Variants in KHK observed in about 807,000 individuals in gnomAD.
The protein encoded by KHK is fructokinase.
In KHK, 37 loss-of-function variants were observed where a neutral mutation model predicts 36.0. The observed-to-expected ratio is 1.03, with a 90% CI of 0.79 to 1.35. KHK has a LOEUF of 1.35. KHK is among the 40% of genes most tolerant of loss of function. The pLI is 0.00. For missense variants in KHK, 395 were observed against 391.9 expected (o/e 1.01, Z -0.07); for synonymous variants, 161 against 162.8 (o/e 0.99, Z 0.08).
rs1018884713 is a variant in KHK, at chr2:27,097,710, C to T, written c.564+61C>T. The T allele has an allele frequency of 4.4e-6, 7 of 1,606,828 alleles. No individual in the cohort carries two copies. In the African/African-American group the frequency reaches 8.0e-5, roughly 18 times the overall value. ...AGCTAATTTGGTTCTTAAAGGGAGC[C>T]AGAATCCTTTTATCCTGCCTACCAC... On this transcript the variant is annotated intron_variant, in intron 5 of 7. Transcript: ENST00000260598.
At chr2:27,098,121 G>A (rs1305328507) in intron 5 of KHK, among the ~76,000 whole-genome samples, 1 of 152,152 alleles carries the variant, frequency 6.6e-6, no homozygotes, top group Non-Finnish European at 1.5e-5. Context: ...GGATGTAAAT[G>A]GAATTTGGGA....
rs946464603 is a variant in KHK, at chr2:27,086,823, G to A, written c.-437G>A. ...GCTGTACCTCGCGTGTCCCGGGTCGGGAGTCGGAGACGCAGGTGCAGGAGA... is the reference window on the plus strand; with the variant it reads ...GCTGTACCTCGCGTGTCCCGGGTCGAGAGTCGGAGACGCAGGTGCAGGAGA... On this transcript the variant is annotated 5_prime_UTR_variant, in exon 1 of 8. Coordinates refer to ENST00000260598, the MANE Select transcript of KHK (RefSeq NM_006488.3). 6.5e-6 allele frequency: 1 copy of A among 154,424 alleles called. No individual in the cohort carries two copies. Among genetic ancestry groups the A allele is most frequent in the Non-Finnish European group, 1.4e-5 (1 of 69,256 alleles). 9.6% of individuals were successfully genotyped at this position (154,424 alleles called of 1,614,324 possible).
chr2:27,097,563 C>G lies in KHK; in HGVS notation c.478C>G (p.Gln160Glu). 6.2e-7 allele frequency: 1 copy of G among 1,614,028 alleles called. No individual in the cohort carries two copies. The highest frequency in any genetic ancestry group is 8.5e-7 in the Non-Finnish European group (1 of 1,180,046). The change falls in exon 5 of 8, where the codon CAG (glutamine) becomes GAG (glutamate). Residue 160 changes from glutamine to glutamate, a missense_variant. Transcript: ENST00000260598. Reference protein sequence around the residue: ...LQRIDAHNTRQPPEQKIRVSV... With the variant: ...LQRIDAHNTREPPEQKIRVSV... ...GCGGATAGACGCACACAACACCAGG[C>G]AGCCTCCAGAGCAGAAGATCCGGGT... is the stretch of plus-strand genomic sequence containing the variant.
At chr2:27,094,276 C>G (rs980693990) in intron 2 of KHK, 7 of 663,518 alleles carry the variant, frequency 1.1e-5, no homozygotes, top group Non-Finnish European at 1.6e-5. Flanking sequence ...TAGTGTTTCT[C>G]TCTCTGAGCT....
At position 27,099,896 on chromosome 2, in the gene KHK, CCCA is replaced by C; in HGVS notation, c.*148_*150del. 2.0e-6 allele frequency: 3 copies of C among 1,530,848 alleles called. No homozygotes were observed. The highest frequency in any genetic ancestry group is 2.7e-6 in the Non-Finnish European group (3 of 1,129,932). The allele number at this position is 1,530,848 out of a possible 1,614,324, so 94.8% of individuals were successfully genotyped here. A position where few individuals can be genotyped will look rare whatever the true frequency, so the allele number is the denominator to read the frequency against. On this transcript the variant is annotated 3_prime_UTR_variant, in exon 8 of 8. Transcript: ENST00000260598. Reference sequence around the variant, plus strand: ...AGGACTCTGCCTGTGTCCTGTGTTCCCCACAGGGAGAGGCTCTGGGGGGATGGC... The same window carrying C: ...AGGACTCTGCCTGTGTCCTGTGTTCCCAGGGAGAGGCTCTGGGGGGATGGC...
chr2:27,094,444 C>G, intron 2 of KHK: 1 of 1,611,226 alleles, frequency 6.2e-7, no homozygotes, highest in Non-Finnish European at 8.5e-7. Flanking sequence ...CCTTGTCGAA[C>G]TGCACCCCCT....
chr2:27,088,005 G>A (rs1461611209), intron 1 of KHK: 1 of 150,784 alleles, frequency 6.6e-6, no homozygotes, highest in East Asian at 2.0e-4. Flanking sequence ...GAGTTTACCA[G>A]AAGTCCTTTT....
At chr2:27,094,354 C>T (rs1298315416) in intron 2 of KHK, 3 of 1,140,842 alleles carry the variant, frequency 2.6e-6, no homozygotes, top group Non-Finnish European at 3.9e-6. Context: ...ATTCCCAGTT[C>T]TCTCCCAGCC....
intron 1 of KHK, among the ~76,000 whole-genome samples, chr2:27,089,022 T>C (rs1669829779): frequency 6.6e-6 from 1 of 152,180 alleles, no homozygotes; most frequent in Non-Finnish European, 1.5e-5. Context: ...TATTATTTTA[T>C]ACTCTCCTCC....
chr2:27,093,483 C>G (rs988375742), intron 2 of KHK, among the ~76,000 whole-genome samples: 2 of 152,158 alleles, frequency 1.3e-5, no homozygotes, highest in African/African-American at 4.8e-5. Context: ...TTAGAGAGCA[C>G]CTACCATGTC....
intron 3 of KHK, 60 bp downstream of exon 3, chr2:27,094,994 C>G: frequency 6.3e-7 from 1 of 1,597,432 alleles, no homozygotes; most frequent in Non-Finnish European, 8.6e-7. Context: ...AATCAGTTCC[C>G]TCACTCGCCA....
intron 4 of KHK, among the ~76,000 whole-genome samples, chr2:27,097,043 G>A (rs1011207724): frequency 2.0e-5 from 3 of 152,232 alleles, no homozygotes; most frequent in Admixed American, 2.0e-4. Flanking sequence ...AAAGTCCTGT[G>A]CTTTCTGTGC....
In KHK at chr2:27,100,721, T is replaced by TA. The variant is rs959062056; in HGVS notation, c.*975dup. Reference sequence around the variant, plus strand: ...CTTGGCTACAGAATTATTGTGAGGATAAAATCATATATAAAATGCCCAGCA... The same window carrying TA: ...CTTGGCTACAGAATTATTGTGAGGATAAAAATCATATATAAAATGCCCAGCA... On this transcript the variant is annotated 3_prime_UTR_variant, in exon 8 of 8. Coordinates refer to ENST00000260598, the MANE Select transcript of KHK (RefSeq NM_006488.3). 6.2e-6 allele frequency: 7 copies of TA among 1,130,150 alleles called. No individual in the cohort carries two copies. In the African/African-American group the frequency reaches 1.1e-4, roughly 18 times the overall value. The allele number at this position is 1,130,150 out of a possible 1,614,324, so 70.0% of individuals were successfully genotyped here. A position where few individuals can be genotyped will look rare whatever the true frequency, so the allele number is the denominator to read the frequency against.
chr2:27,094,985 A>G (rs371605652), intron 3 of KHK, 51 bp downstream of exon 3: 4 of 1,607,578 alleles, frequency 2.5e-6, no homozygotes, highest in South Asian at 2.2e-5. Context: ...AGTTGGCTCA[A>G]TCAGTTCCCT....
At chr2:27,089,902 G>T (rs145565758) in intron 1 of KHK, among the ~76,000 whole-genome samples, 2,583 of 152,274 alleles carry the variant, frequency 0.017, 36 homozygotes, top group African/African-American at 0.038. Flanking sequence ...GCCCAGGCTG[G>T]AGTGCAATGG....
intron 1 of KHK, among the ~76,000 whole-genome samples, chr2:27,090,489 C>G (rs1257403183): frequency 3.4e-5 from 4 of 115,944 alleles, no homozygotes; most frequent in Non-Finnish European, 6.7e-5. Context: ...AAGTCTTACT[C>G]TGTCACCCAG....
intron 3 of KHK, among the ~76,000 whole-genome samples, chr2:27,096,521 A>G (rs1670362755): frequency 6.6e-6 from 1 of 152,178 alleles, no homozygotes; most frequent in African/African-American, 2.4e-5. Context: ...TAATTTAATC[A>G]CAACCTCAAA....
chr2:27,089,751 G>A (rs7561355), intron 1 of KHK, among the ~76,000 whole-genome samples: 1,660 of 152,314 alleles, frequency 0.011, 30 homozygotes, highest in African/African-American at 0.038. Context: ...AGTCCTTCCT[G>A]GGTGTCTCAG....
At chr2:27,097,672 C>CT in intron 5 of KHK, 23 bp downstream of exon 5, 1 of 1,612,930 alleles carries the variant, frequency 6.2e-7, no homozygotes. Flanking sequence ...TTCAGCCTCT[C>CT]TTTGCCACTT....
Sources: gnomAD v4.1 joint callset for allele counts (sites outside exome capture counted in the v4.1 genomes callset) on GRCh38, gnomAD v4.1.1 for gene constraint, MANE v1.5 for transcripts, NCBI Gene and HGNC (gene_info 2026-07-23, HGNC 2026-07-21) for gene names.